The following GNG4 variants were observed in gnomAD, a reference collection of about 807,000 sequenced individuals.
GNG4 encodes G protein subunit gamma 4, also known as guanine nucleotide-binding protein G(I)/G(S)/G(O) subunit gamma-4.
Under a neutral mutation model 5.8 loss-of-function variants are expected in GNG4, and 4 were observed. The observed-to-expected ratio is 0.69, with a 90% CI of 0.34 to 1.57. The LOEUF (loss-of-function observed/expected upper bound fraction) is 1.57. GNG4 is among the 40% of genes most tolerant of loss of function. The pLI is 0.06. For synonymous variants in GNG4, 29 were observed against 32.9 expected (o/e 0.88, Z 0.41); for missense variants, 96 against 95.1 (o/e 1.01, Z -0.04).
chr1:235,617,301 A>T (rs1454849353), intron 1 of GNG4, among the ~76,000 whole-genome samples: 1 of 152,136 alleles, frequency 6.6e-6, no homozygotes, highest in African/African-American at 2.4e-5. Context: ...CTAAGTGAGA[A>T]CAGATGACAG....
chr1:235,630,368 T>G (rs1688907266), intron 1 of GNG4, among the ~76,000 whole-genome samples: 1 of 152,244 alleles, frequency 6.6e-6, no homozygotes, highest in African/African-American at 2.4e-5. Flanking sequence ...CTTGAATGTT[T>G]GCTGCTGAAA....
intron 3 of GNG4, among the ~76,000 whole-genome samples, chr1:235,575,538 C>T (rs1687463030): frequency 6.6e-6 from 1 of 152,204 alleles, no homozygotes; most frequent in Non-Finnish European, 1.5e-5. Context: ...AGCCTGTGCT[C>T]ACAAAATTAA....
At chr1:235,640,767 AG>A (rs1381253152) in intron 1 of GNG4, among the ~76,000 whole-genome samples, 1 of 152,198 alleles carries the variant, frequency 6.6e-6, no homozygotes, top group African/African-American at 2.4e-5. Flanking sequence ...GCAGGGCTCC[AG>A]GAAGAGTCAA....
intron 3 of GNG4, among the ~76,000 whole-genome samples, chr1:235,577,465 G>C (rs1204296391): frequency 6.6e-6 from 1 of 151,884 alleles, no homozygotes; most frequent in Admixed American, 6.6e-5. Flanking sequence ...TTTTTAGGTA[G>C]AGTCTTGCTC....
chr1:235,628,553 C>T (rs1171036799), intron 1 of GNG4, among the ~76,000 whole-genome samples: 2 of 152,104 alleles, frequency 1.3e-5, no homozygotes, highest in African/African-American at 2.4e-5. Flanking sequence ...CCTAAAGGGT[C>T]CCCACCCAGA....
chr1:235,618,154 C>T (rs1031198995), intron 1 of GNG4, among the ~76,000 whole-genome samples: 1 of 152,118 alleles, frequency 6.6e-6, no homozygotes, highest in East Asian at 1.9e-4. Context: ...TAAATAAAAG[C>T]ATGAATAACA....
At chr1:235,638,186 T>A (rs561073146) in intron 1 of GNG4, among the ~76,000 whole-genome samples, 7 of 152,340 alleles carry the variant, frequency 4.6e-5, no homozygotes, top group African/African-American at 1.7e-4. Flanking sequence ...TCTGCTCCTT[T>A]CTAGCTCCGG....
intron 3 of GNG4, chr1:235,566,860 C>T (rs1037290284): frequency 1.3e-5 from 2 of 152,222 alleles, no homozygotes; most frequent in African/African-American, 2.4e-5. Flanking sequence ...TCCAACAGCA[C>T]GAAGACTTGT....
intron 3 of GNG4, among the ~76,000 whole-genome samples, chr1:235,567,324 G>C (rs576086173): frequency 6.6e-6 from 1 of 152,192 alleles, no homozygotes; most frequent in African/African-American, 2.4e-5. Context: ...AAACATACAT[G>C]ACATCAAATG....
chr1:235,635,447 G>C (rs1468214604), intron 1 of GNG4, among the ~76,000 whole-genome samples: 1 of 151,964 alleles, frequency 6.6e-6, no homozygotes. Context: ...AGTGAGCTGA[G>C]ATCGCACCAC....
chr1:235,648,766 C>T lies in GNG4; in HGVS notation c.-123+896G>A, dbSNP rs1475238884. On this transcript the variant is annotated intron_variant, in intron 1 of 3. Transcript: ENST00000391854. This position sits in a 1 kb window ranked among gnomAD's most constrained non-coding sequence, Gnocchi z 5.0. Reference sequence around the variant, plus strand: ...GCCAGCATTTGACAGTCCTGGGAGGCGACGGGTAGAGGAGAGACGCGGCAG... The same window carrying T: ...GCCAGCATTTGACAGTCCTGGGAGGTGACGGGTAGAGGAGAGACGCGGCAG... 2.0e-5 allele frequency among the ~76,000 whole-genome samples: 3 copies of T among 152,308 alleles called. No individual in the cohort carries two copies. The East Asian group carries it at 5.8e-4, about 29-fold the overall frequency.
intron 1 of GNG4, among the ~76,000 whole-genome samples, chr1:235,623,744 CG>C (rs1027718393): frequency 6.6e-6 from 1 of 152,102 alleles, no homozygotes; most frequent in Non-Finnish European, 1.5e-5. Context: ...AAATTCAGAG[CG>C]GGGGGTGCCT....
intron 3 of GNG4, among the ~76,000 whole-genome samples, chr1:235,580,516 C>T (rs1296753944): frequency 1.3e-5 from 2 of 152,234 alleles, no homozygotes; most frequent in African/African-American, 2.4e-5. Flanking sequence ...GCATCTTTGG[C>T]ACAGATGCGG....
intron 1 of GNG4, among the ~76,000 whole-genome samples, chr1:235,643,971 G>A (rs533519971): frequency 2.4e-4 from 36 of 152,206 alleles, no homozygotes; most frequent in Non-Finnish European, 4.8e-4. Flanking sequence ...GCAGAGCAGG[G>A]GCTGAGGGCA....
At chr1:235,627,285 C>T (rs1364190963) in intron 1 of GNG4, among the ~76,000 whole-genome samples, 2 of 152,000 alleles carry the variant, frequency 1.3e-5, no homozygotes, top group South Asian at 4.2e-4. Context: ...TGCAGTGGCC[C>T]AATCTCAGCT....
intron 3 of GNG4, 124 bp from the exon 4 acceptor site, chr1:235,552,361 A>G (rs387492): frequency 0.71 from 588,021 of 827,422 alleles, 212,453 homozygotes; most frequent in African/African-American, 0.94. Flanking sequence ...CACGGCCTAC[A>G]ACATGGTCAT....
At chr1:235,591,735 G>A (rs937831570) in intron 2 of GNG4, among the ~76,000 whole-genome samples, 2 of 152,244 alleles carry the variant, frequency 1.3e-5, no homozygotes, top group Non-Finnish European at 2.9e-5. Flanking sequence ...CGGCTTTCCA[G>A]AAGATGAGGC....
intron 2 of GNG4, among the ~76,000 whole-genome samples, chr1:235,587,618 T>TGTCAGG (rs1558486383): frequency 0.16 from 66 of 414 alleles, 2 homozygotes; most frequent in African/African-American, 0.2. Context: ...GGGTGGGGTG[T>TGTCAGG]GTGAATGTGG....
intron 1 of GNG4, among the ~76,000 whole-genome samples, chr1:235,628,577 C>G (rs962658268): frequency 6.6e-6 from 1 of 152,164 alleles, no homozygotes; most frequent in Non-Finnish European, 1.5e-5. Context: ...TGGTGTCCTA[C>G]GGGTCACCCA....
Sources: gnomAD v4.1 joint callset for allele counts (sites outside exome capture counted in the v4.1 genomes callset) on GRCh38, gnomAD v4.1.1 for gene constraint, Gnocchi (gnomAD v3.1) non-coding constraint, MANE v1.5 for transcripts, NCBI Gene and HGNC (gene_info 2026-07-23, HGNC 2026-07-21) for gene names.